Variants in ADORA2B observed in about 807,000 individuals in gnomAD.
ADORA2B encodes adenosine receptor A2b.
Under a neutral mutation model 20.8 loss-of-function variants are expected in ADORA2B, and 18 were observed. That is an observed-to-expected ratio of 0.87 (90% CI 0.60 to 1.29). The LOEUF is 1.29. Among genes scored for constraint, ADORA2B ranks in the 50% most tolerant of loss-of-function variants. ADORA2B has a pLI of 0.00. For missense variants in ADORA2B, 441 were observed against 422.7 expected, an observed-to-expected ratio of 1.04 and a Z score of -0.38; for synonymous variants, 179 against 178.3, an observed-to-expected ratio of 1.00 and a Z score of -0.03.
chr17:15,903,442 T>C, the ADORA2B span, among the ~76,000 whole-genome samples: 1 of 152,212 alleles, frequency 6.6e-6, no homozygotes, highest in Non-Finnish European at 1.5e-5. Context: ...TTATGTAAAT[T>C]GGAAATTTTA....
At chr17:15,955,105 C>T (rs1265146695) in intron 1 of ADORA2B, among the ~76,000 whole-genome samples, 2 of 152,038 alleles carry the variant, frequency 1.3e-5, no homozygotes, top group Non-Finnish European at 2.9e-5. Context: ...TACAGTTGAC[C>T]CTTGAACAAC....
chr17:15,961,293 AT>A (rs1490536415), intron 1 of ADORA2B, among the ~76,000 whole-genome samples: 10 of 151,304 alleles, frequency 6.6e-5, no homozygotes, highest in African/African-American at 2.5e-4. Flanking sequence ...AAAAAAAAAA[AT>A]TAACATTTTT....
the ADORA2B span, among the ~76,000 whole-genome samples, chr17:15,939,953 G>A: frequency 1.3e-5 from 2 of 151,712 alleles, no homozygotes; most frequent in African/African-American, 4.8e-5. Context: ...TACATATATG[G>A]AATGAATACT....
At chr17:15,972,465 T>C (rs976387676) in intron 1 of ADORA2B, among the ~76,000 whole-genome samples, 2 of 152,224 alleles carry the variant, frequency 1.3e-5, no homozygotes, top group Non-Finnish European at 1.5e-5. Context: ...GACCAGTTGT[T>C]AATAACAAAA....
At chr17:15,913,345 T>C in the ADORA2B span, among the ~76,000 whole-genome samples, 47,713 of 152,130 alleles carry the variant, frequency 0.31, 8,061 homozygotes, top group African/African-American at 0.43. Context: ...CTCCCACTGA[T>C]GGTCATTCTG....
the ADORA2B span, among the ~76,000 whole-genome samples, chr17:15,856,803 T>C: frequency 3.3e-5 from 5 of 152,198 alleles, no homozygotes; most frequent in Admixed American, 6.5e-5. Context: ...TTGGAACTTA[T>C]GTTTCAAAGG....
At chr17:15,946,655 A>C (rs763076692) in intron 1 of ADORA2B, among the ~76,000 whole-genome samples, 17 of 152,208 alleles carry the variant, frequency 1.1e-4, no homozygotes, top group Non-Finnish European at 2.1e-4. Flanking sequence ...CAGTCCTTGC[A>C]GTAGTACCAG....
At chr17:15,928,694 G>A in the ADORA2B span, among the ~76,000 whole-genome samples, 1 of 152,198 alleles carries the variant, frequency 6.6e-6, no homozygotes, top group Non-Finnish European at 1.5e-5. Flanking sequence ...CCGTGAAGGT[G>A]GGTCAGGTGT....
At chr17:15,910,466 T>G in the ADORA2B span, among the ~76,000 whole-genome samples, 1 of 152,006 alleles carries the variant, frequency 6.6e-6, no homozygotes, top group African/African-American at 2.4e-5. Flanking sequence ...CCTGGATAAT[T>G]TTTTGTATTT....
chr17:15,883,008 T>A, the ADORA2B span, among the ~76,000 whole-genome samples: 21 of 145,294 alleles, frequency 1.4e-4, 1 homozygote, highest in East Asian at 2.5e-3. Flanking sequence ...CAGTCCCAAG[T>A]GAATCTGCAC....
At chr17:15,866,959 AT>A in the ADORA2B span, among the ~76,000 whole-genome samples, 1 of 152,120 alleles carries the variant, frequency 6.6e-6, no homozygotes, top group South Asian at 2.1e-4. Context: ...TGGTTTTCGT[AT>A]TTTTTTGGTG....
chr17:15,882,408 A>G, the ADORA2B span, among the ~76,000 whole-genome samples: 1 of 152,196 alleles, frequency 6.6e-6, no homozygotes, highest in South Asian at 2.1e-4. Context: ...TAGAGACTGC[A>G]CTGGACTCCA....
intron 1 of ADORA2B, among the ~76,000 whole-genome samples, chr17:15,964,535 G>A (rs1970077526): frequency 6.6e-6 from 1 of 150,896 alleles, no homozygotes; most frequent in Non-Finnish European, 1.5e-5. Context: ...CTTGAACCTG[G>A]GAGGTGGAGG....
chr17:15,922,979 T>C, the ADORA2B span, among the ~76,000 whole-genome samples: 4 of 152,338 alleles, frequency 2.6e-5, no homozygotes, highest in Non-Finnish European at 5.9e-5. Context: ...TTCTGTGAAC[T>C]GCTTTTTCAT....
the ADORA2B span, among the ~76,000 whole-genome samples, chr17:15,911,415 TA>T: frequency 1.3e-5 from 2 of 152,322 alleles, no homozygotes; most frequent in East Asian, 3.9e-4. Context: ...GGTCTTGGGA[TA>T]CCCGGAGTCA....
chr17:15,853,693 G>A, the ADORA2B span, among the ~76,000 whole-genome samples: 1 of 152,034 alleles, frequency 6.6e-6, no homozygotes, highest in Non-Finnish European at 1.5e-5. Context: ...AGGCCCAGAT[G>A]GTTTCATCAT....
At chr17:15,946,773 G>A (rs1969812244) in intron 1 of ADORA2B, among the ~76,000 whole-genome samples, 1 of 152,144 alleles carries the variant, frequency 6.6e-6, no homozygotes, top group Non-Finnish European at 1.5e-5. Flanking sequence ...GCCGGGGCTT[G>A]AACTCACAGC....
chr17:15,956,008 C>T (rs1399108870), intron 1 of ADORA2B, among the ~76,000 whole-genome samples: 3 of 152,178 alleles, frequency 2.0e-5, no homozygotes, highest in South Asian at 2.1e-4. Context: ...GCGTGAGCCA[C>T]GCCTCTGGGA....
At chr17:15,920,824 G>A in the ADORA2B span, among the ~76,000 whole-genome samples, 2 of 152,150 alleles carry the variant, frequency 1.3e-5, no homozygotes, top group African/African-American at 4.8e-5. Flanking sequence ...TTTGTGACAG[G>A]CCTCATCCCT....
Sources: allele counts gnomAD v4.1 joint callset (sites outside exome capture counted in the v4.1 genomes callset), GRCh38; gene constraint gnomAD v4.1.1; transcripts MANE v1.5; gene names NCBI Gene and HGNC (gene_info 2026-07-23, HGNC 2026-07-21).